Variants in ERCC3 observed in about 807,000 individuals in gnomAD.
ERCC3 encodes ERCC excision repair 3, TFIIH core complex helicase subunit.
In ERCC3, 66 loss-of-function variants were observed where a neutral mutation model predicts 94.2. That is an observed-to-expected ratio of 0.70 (90% CI 0.57 to 0.86). The LOEUF is 0.86. Ranked by LOEUF, ERCC3 falls within the 40% of genes least tolerant of loss-of-function variation. ERCC3 has a pLI of 0.00. For synonymous variants in ERCC3, 349 were observed against 369.1 expected (o/e 0.95, Z 0.63); for missense variants, 829 against 987.1 (o/e 0.84, Z 2.15).
rs911239982 is a variant in ERCC3 at position 127,264,221 on chromosome 2, T to G, written c.1946-2875A>C. On this transcript the variant is annotated intron_variant, in intron 12 of 14. Coordinates refer to ENST00000285398, the MANE Select transcript of ERCC3 (RefSeq NM_000122.2). The surrounding 1 kb of genome is among the most constrained non-coding windows in gnomAD (Gnocchi z 4.4). ...GCTCACACCTATAATCCCAGCACTTTGGGAGGCCAAGGTGGGTGGATCACC... is the reference window on the plus strand; with the variant it reads ...GCTCACACCTATAATCCCAGCACTTGGGGAGGCCAAGGTGGGTGGATCACC... 1.7e-4 allele frequency among the ~76,000 whole-genome samples: 26 copies of G among 152,170 alleles called. 1 individual carries two copies. The highest frequency in any genetic ancestry group is 6.3e-4 in the African/African-American group (26 of 41,446).
rs960956037 is a variant in ERCC3 at position 127,261,180 on chromosome 2, C to A, written c.2064+48G>T. ...TCGCTTCTCCTGGAGGCCAGGGTAT[C>A]AAGAAGGCCTTGGTCCTAGTCTAAC... On this transcript the variant is annotated intron_variant, in intron 13 of 14. Transcript: ENST00000285398. 5.4e-6 allele frequency: 6 copies of A among 1,104,892 alleles called. No homozygotes were observed. The East Asian group carries it at 9.4e-5, about 17-fold the overall frequency. The allele number at this position is 1,104,892 out of a possible 1,614,324, so 68.4% of individuals were successfully genotyped here. A position where few individuals can be genotyped will look rare whatever the true frequency, so the allele number is the denominator to read the frequency against.
At position 127,279,307 on chromosome 2, in the gene ERCC3, C is replaced by T. The variant is rs1684834960; in HGVS notation, c.1596G>A (p.Leu532=). The change falls in exon 10 of 15, where the codon TTG becomes TTA. Residue 532 remains leucine (L), a synonymous_variant. Coordinates refer to ENST00000285398, the MANE Select transcript of ERCC3 (RefSeq NM_000122.2). This position sits in a 1 kb window ranked among gnomAD's most constrained non-coding sequence, Gnocchi z 4.7. ...YVAIKTKKRI[L]LYTMNPNKFR... ...ATTTGTTGGGGTTCATGGTGTACAG[C>T]AAGATTCGTTTCTTGGTTTTGATTG... The T allele has an allele frequency of 3.1e-6, 5 of 1,613,978 alleles. No homozygotes were observed. The highest frequency in any genetic ancestry group is 4.2e-6 in the Non-Finnish European group (5 of 1,180,000).
intron 1 of ERCC3, 143 bp downstream of exon 1, chr2:127,293,911 G>T: frequency 6.6e-7 from 1 of 1,525,086 alleles, no homozygotes; most frequent in Non-Finnish European, 8.8e-7. Context: ...CATCTCTCCC[G>T]CCCAAAGGCC....
At chr2:127,270,718 G>A (rs1684521001) in intron 12 of ERCC3, among the ~76,000 whole-genome samples, 1 of 152,212 alleles carries the variant, frequency 6.6e-6, no homozygotes, top group Non-Finnish European at 1.5e-5. Context: ...CTTAGCAAGA[G>A]TGTCAGTCCC....
chr2:127,293,943 G>A (rs1485092890), intron 1 of ERCC3, 111 bp downstream of exon 1: 2 of 1,537,956 alleles, frequency 1.3e-6, no homozygotes, highest in Non-Finnish European at 1.7e-6. Context: ...GGTGCGCGCG[G>A]GAGGGCCAGC....
Position 127,259,216 on chromosome 2 carries a change from A to T in ERCC3, c.2217+80T>A. ...AATCCCATGGGCCCATCCAGGCAGG[A>T]CTACATGTCTGTGTCTGTGTCTACA... On this transcript the variant is annotated intron_variant, in intron 14 of 14. Coordinates refer to ENST00000285398, the MANE Select transcript of ERCC3 (RefSeq NM_000122.2). This position sits in a 1 kb window ranked among gnomAD's most constrained non-coding sequence, Gnocchi z 4.9. 1 of 1,519,840 alleles carries T rather than the reference A, an allele frequency of 6.6e-7. No homozygotes were observed. The highest frequency in any genetic ancestry group is 1.4e-5 in the African/African-American group (1 of 73,196). 94.1% of individuals were successfully genotyped at this position (1,519,840 alleles called of 1,614,324 possible).
rs779234520 is a variant in ERCC3, at chr2:127,259,250, C to T, written c.2217+46G>A. 6.2e-7 allele frequency: 1 copy of T among 1,611,064 alleles called. No homozygotes were observed. On this transcript the variant is annotated intron_variant, in intron 14 of 14. Transcript: ENST00000285398. The surrounding 1 kb of genome is among the most constrained non-coding windows in gnomAD (Gnocchi z 4.9). ...CTGTGTCTGTGTCTACAAACGCTGC[C>T]CTGTGAGAGCACTGACACCTGGAAC...
chr2:127,269,893 G>A (rs1054661745), intron 12 of ERCC3, among the ~76,000 whole-genome samples: 7 of 151,966 alleles, frequency 4.6e-5, no homozygotes, highest in Non-Finnish European at 7.4e-5. Flanking sequence ...GGTGGTGCAC[G>A]CCTGTAGTCC....
chr2:127,275,008 C>A (rs1178433519), intron 10 of ERCC3, among the ~76,000 whole-genome samples: 7 of 152,322 alleles, frequency 4.6e-5, no homozygotes, highest in Admixed American at 1.3e-4. Flanking sequence ...AACTTTCCCA[C>A]ATCCAGTCTG....
intron 13 of ERCC3, chr2:127,260,876 G>C (rs1684169951): frequency 2.8e-6 from 1 of 350,994 alleles, no homozygotes; most frequent in African/African-American, 2.1e-5. Context: ...GGATAGCTCT[G>C]ATGTCTGGGA....
chr2:127,259,266 C>G lies in ERCC3; in HGVS notation c.2217+30G>C. 6.2e-7 allele frequency: 1 copy of G among 1,613,880 alleles called. No individual in the cohort carries two copies. Among genetic ancestry groups the G allele is most frequent in the Non-Finnish European group, 8.5e-7 (1 of 1,179,840 alleles). ...AAACGCTGCCCTGTGAGAGCACTGA[C>G]ACCTGGAACCTCCTCACCCATTTAC... On this transcript the variant is annotated intron_variant, in intron 14 of 14. Transcript: ENST00000285398. This position sits in a 1 kb window ranked among gnomAD's most constrained non-coding sequence, Gnocchi z 4.9.
intron 8 of ERCC3, 100 bp downstream of exon 8, chr2:127,286,603 G>A (rs1343298049): frequency 8.9e-7 from 1 of 1,129,742 alleles, no homozygotes; most frequent in Non-Finnish European, 1.3e-6. Context: ...AGTCTTTCTA[G>A]CCAGTTGGGT....
chr2:127,286,355 C>A (rs150663354), intron 8 of ERCC3, among the ~76,000 whole-genome samples: 1 of 152,132 alleles, frequency 6.6e-6, no homozygotes, highest in African/African-American at 2.4e-5. Flanking sequence ...TCAAGACCAG[C>A]CTGGCCAAGA....
intron 3 of ERCC3, chr2:127,292,183 T>C (rs751549002): frequency 4.1e-5 from 13 of 319,540 alleles, no homozygotes; most frequent in Admixed American, 2.5e-4. Context: ...TTAACTACTT[T>C]CTTACTCCAA....
chr2:127,287,333 G>C (rs1685108531), intron 7 of ERCC3, among the ~76,000 whole-genome samples: 1 of 152,034 alleles, frequency 6.6e-6, no homozygotes, highest in Admixed American at 6.6e-5. Flanking sequence ...TTTAAAGATA[G>C]AAAAACCTGG....
At chr2:127,266,549 G>A (rs113771004) in intron 12 of ERCC3, among the ~76,000 whole-genome samples, 5,122 of 151,548 alleles carry the variant, frequency 0.034, 123 homozygotes, top group Middle Eastern at 0.073. Context: ...GTGTTAGCCA[G>A]GATGGTCTCG....
rs1295952378 is a variant in ERCC3, at chr2:127,258,296, G to A, written c.2218-569C>T. On this transcript the variant is annotated intron_variant, in intron 14 of 14. Transcript: ENST00000285398. This position sits in a 1 kb window ranked among gnomAD's most constrained non-coding sequence, Gnocchi z 4.1. ...AAAATCTCCTGAGACACCACCATAA[G>A]GCTTTGAATCAAGTGGAAGGACAGA... Among the ~76,000 whole-genome samples the A allele has an allele frequency of 6.6e-6, 1 of 152,134 alleles. No homozygotes were observed. Among genetic ancestry groups the A allele is most frequent in the Non-Finnish European group, 1.5e-5 (1 of 68,022 alleles).
At chr2:127,286,228 G>C (rs1573956565) in intron 8 of ERCC3, among the ~76,000 whole-genome samples, 1 of 152,270 alleles carries the variant, frequency 6.6e-6, no homozygotes, top group East Asian at 1.9e-4. Flanking sequence ...AGCAAACTGT[G>C]AATGTGAACA....
At chr2:127,293,776 C>G (rs1685365438) in intron 1 of ERCC3, 58 bp from the exon 2 acceptor site, 4 of 1,603,404 alleles carry the variant, frequency 2.5e-6, no homozygotes, top group Middle Eastern at 1.7e-4. Context: ...TCCCTCCGCA[C>G]CGCTTGGCAG....
Sources: allele counts gnomAD v4.1 joint callset (sites outside exome capture counted in the v4.1 genomes callset), GRCh38; gene constraint gnomAD v4.1.1; non-coding constraint Gnocchi (gnomAD v3.1); transcripts MANE v1.5; gene names NCBI Gene and HGNC (gene_info 2026-07-23, HGNC 2026-07-21).